SKAP1: variants seen among roughly 807,000 people sequenced by gnomAD.
SKAP1 encodes the protein src kinase-associated phosphoprotein 1.
In SKAP1, 44 loss-of-function variants were observed where a neutral mutation model predicts 58.5. The observed-to-expected ratio is 0.75, with a 90% confidence interval of 0.59 to 0.97. SKAP1 has a LOEUF of 0.97. Ranked by LOEUF, SKAP1 falls within the 50% of genes least tolerant of loss-of-function variation. SKAP1 has a pLI of 0.00. For synonymous variants in SKAP1, 127 were observed against 149.7 expected (o/e 0.85, Z 1.11); for missense variants, 390 against 435.2 (o/e 0.90, Z 0.92).
At chr17:48,316,897 C>T (rs769458584) in intron 4 of SKAP1, among the ~76,000 whole-genome samples, 15 of 152,106 alleles carry the variant, frequency 9.9e-5, no homozygotes, top group Non-Finnish European at 2.2e-4. Flanking sequence ...TTCTTTTATA[C>T]CATTCTTATT....
chr17:48,286,014 T>TTA lies in SKAP1; in HGVS notation c.280+59889_280+59890dup, dbSNP rs529778935. On this transcript the variant is annotated intron_variant, in intron 4 of 12. Transcript: ENST00000336915. ...ATATGGAAAACAGCCAGTACAGTGC[T>TTA]TAGCACATAAAGGGCTCTCAATAAA... Among the ~76,000 whole-genome samples, 10 of 152,362 alleles carry TTA rather than the reference T, an allele frequency of 6.6e-5. No individual in the cohort carries two copies. The South Asian group carries it at 2.1e-3, about 32-fold the overall frequency.
At chr17:48,388,210 C>T (rs1445914235) in intron 2 of SKAP1, among the ~76,000 whole-genome samples, 3 of 151,914 alleles carry the variant, frequency 2.0e-5, no homozygotes, top group Non-Finnish European at 2.9e-5. Context: ...CCGAGGCAGG[C>T]GGATCATGAG....
chr17:48,225,994 A>G (rs2065064380), intron 4 of SKAP1, among the ~76,000 whole-genome samples: 1 of 152,230 alleles, frequency 6.6e-6, no homozygotes, highest in African/African-American at 2.4e-5. Context: ...CAAGGCGGTT[A>G]GTACAACAGC....
At chr17:48,274,564 C>CA (rs1442899686) in intron 4 of SKAP1, among the ~76,000 whole-genome samples, 1 of 152,048 alleles carries the variant, frequency 6.6e-6, no homozygotes. Context: ...GGTGTGGTGG[C>CA]AGGCGCCTGT....
intron 9 of SKAP1, among the ~76,000 whole-genome samples, chr17:48,179,388 C>G (rs1327007570): frequency 6.6e-6 from 1 of 152,200 alleles, no homozygotes; most frequent in East Asian, 1.9e-4. Context: ...CCCCACCAGA[C>G]ATGGCTATGC....
chr17:48,386,190 G>C (rs1463877671), intron 2 of SKAP1, among the ~76,000 whole-genome samples: 2 of 152,006 alleles, frequency 1.3e-5, no homozygotes. Flanking sequence ...AATAAAGAGG[G>C]TCTTTTGTTG....
intron 10 of SKAP1, among the ~76,000 whole-genome samples, chr17:48,165,065 G>A (rs1421847437): frequency 6.6e-6 from 1 of 152,226 alleles, no homozygotes; most frequent in Non-Finnish European, 1.5e-5. Context: ...AGTCGGGGAA[G>A]CACCATGGAA....
chr17:48,331,645 T>C (rs2066508938), intron 4 of SKAP1, among the ~76,000 whole-genome samples: 1 of 151,516 alleles, frequency 6.6e-6, no homozygotes, highest in Admixed American at 6.6e-5. Flanking sequence ...GTTGCTGTGA[T>C]CTGAGATCGC....
At chr17:48,407,743 AC>A (rs1377011010) in intron 1 of SKAP1, among the ~76,000 whole-genome samples, 1 of 151,986 alleles carries the variant, frequency 6.6e-6, no homozygotes, top group Admixed American at 6.6e-5. Flanking sequence ...AGTCCCAGCT[AC>A]TTTGAAGGCT....
At chr17:48,287,938 C>A (rs1019935628) in intron 4 of SKAP1, among the ~76,000 whole-genome samples, 2 of 152,110 alleles carry the variant, frequency 1.3e-5, no homozygotes, top group African/African-American at 4.8e-5. Context: ...AATAAAAACA[C>A]GTAACAGAAT....
intron 1 of SKAP1, among the ~76,000 whole-genome samples, chr17:48,426,396 C>A (rs960885007): frequency 2.2e-4 from 34 of 152,126 alleles, no homozygotes; most frequent in African/African-American, 8.0e-4. Flanking sequence ...GTCAGTAGGC[C>A]CCATTCCATC....
intron 4 of SKAP1, among the ~76,000 whole-genome samples, chr17:48,213,613 C>T (rs552710728): frequency 4.6e-5 from 7 of 152,122 alleles, no homozygotes; most frequent in African/African-American, 9.7e-5. Flanking sequence ...TAGGGCTCTC[C>T]GTCTTCTGCT....
At chr17:48,401,023 T>C (rs2067492935) in intron 1 of SKAP1, among the ~76,000 whole-genome samples, 1 of 151,990 alleles carries the variant, frequency 6.6e-6, no homozygotes, top group African/African-American at 2.4e-5. Flanking sequence ...AGAGAGACAA[T>C]GGCCGGGCGT....
chr17:48,371,702 G>A (rs1427893461), intron 2 of SKAP1, among the ~76,000 whole-genome samples: 2 of 138,674 alleles, frequency 1.4e-5, no homozygotes, highest in Non-Finnish European at 3.1e-5. Flanking sequence ...GCATGGTGGT[G>A]CATGCATGCC....
chr17:48,271,620 C>T (rs1422482420), intron 4 of SKAP1, among the ~76,000 whole-genome samples: 1 of 152,014 alleles, frequency 6.6e-6, no homozygotes, highest in Non-Finnish European at 1.5e-5. Context: ...CCTCAGCCTC[C>T]CAAAGTGCTG....
intron 1 of SKAP1, among the ~76,000 whole-genome samples, chr17:48,403,089 AAAAT>A (rs1190865852): frequency 6.6e-6 from 1 of 152,140 alleles, no homozygotes; most frequent in South Asian, 2.1e-4. Context: ...GCTGTTTAAA[AAAAT>A]AAATAAATAC....
At chr17:48,394,538 G>C (rs1019692377) in intron 2 of SKAP1, among the ~76,000 whole-genome samples, 2 of 151,860 alleles carry the variant, frequency 1.3e-5, no homozygotes, top group African/African-American at 4.8e-5. Flanking sequence ...AGAGAGTTTT[G>C]TTATGTTGCC....
At chr17:48,412,484 A>G (rs2067676924) in intron 1 of SKAP1, among the ~76,000 whole-genome samples, 1 of 152,180 alleles carries the variant, frequency 6.6e-6, no homozygotes, top group South Asian at 2.1e-4. Context: ...TCTTCATTTC[A>G]CTCAGTAGTA....
At chr17:48,266,635 C>G (rs939184161) in intron 4 of SKAP1, among the ~76,000 whole-genome samples, 1 of 151,510 alleles carries the variant, frequency 6.6e-6, no homozygotes, top group Non-Finnish European at 1.5e-5. Flanking sequence ...CTCAGCCTCC[C>G]GAGTAGCTGG....
Sources: gnomAD v4.1 joint callset for allele counts (sites outside exome capture counted in the v4.1 genomes callset) on GRCh38, gnomAD v4.1.1 for gene constraint, MANE v1.5 for transcripts, NCBI Gene and HGNC (gene_info 2026-07-23, HGNC 2026-07-21) for gene names.